NR3C2: variants seen among roughly 807,000 people sequenced by gnomAD.
NR3C2 encodes mineralocorticoid receptor.
Under a neutral mutation model 86.4 loss-of-function variants are expected in NR3C2, and 15 were observed. That is an observed-to-expected ratio of 0.17 (90% confidence interval 0.12 to 0.27). The LOEUF (loss-of-function observed/expected upper bound fraction) is 0.27, where lower values mean the gene tolerates loss of function less well. Ranked by LOEUF, NR3C2 falls within the 10% of genes least tolerant of loss-of-function variation. NR3C2 has a pLI of 1.00. For missense variants in NR3C2, 960 were observed against 1,195.6 expected, an observed-to-expected ratio of 0.80 and a Z score of 2.91; for synonymous variants, 458 against 450.5, an observed-to-expected ratio of 1.02 and a Z score of -0.21.
At chr4:148,371,597 T>A (rs557317853) in intron 2 of NR3C2, among the ~76,000 whole-genome samples, 2 of 151,220 alleles carry the variant, frequency 1.3e-5, no homozygotes, top group South Asian at 4.2e-4. Context: ...CCTTTAAATG[T>A]AGTGTCTAAT....
chr4:148,276,882 T>A (rs1740987457), intron 2 of NR3C2, among the ~76,000 whole-genome samples: 1 of 152,220 alleles, frequency 6.6e-6, no homozygotes, highest in Admixed American at 6.5e-5. Context: ...TAGGGATAAA[T>A]GTCTTTTATA....
chr4:148,272,709 TG>T (rs1430757398), intron 2 of NR3C2, among the ~76,000 whole-genome samples: 1 of 152,184 alleles, frequency 6.6e-6, no homozygotes, highest in Non-Finnish European at 1.5e-5. Context: ...CAATTACGGA[TG>T]TTTTTTTCAG....
intron 2 of NR3C2, among the ~76,000 whole-genome samples, chr4:148,329,734 G>A (rs1189380218): frequency 1.3e-5 from 2 of 152,212 alleles, no homozygotes; most frequent in African/African-American, 4.8e-5. Context: ...AGTTGAGAAC[G>A]TTTAAGCAAT....
At chr4:148,277,487 A>T (rs1741016542) in intron 2 of NR3C2, among the ~76,000 whole-genome samples, 1 of 152,172 alleles carries the variant, frequency 6.6e-6, no homozygotes, top group Non-Finnish European at 1.5e-5. Flanking sequence ...AGGCTGAGGC[A>T]TGAGGATTGC....
intron 2 of NR3C2, among the ~76,000 whole-genome samples, chr4:148,359,040 G>C (rs1745709683): frequency 6.6e-6 from 1 of 152,064 alleles, no homozygotes; most frequent in Admixed American, 6.6e-5. Flanking sequence ...TACCAGGAGA[G>C]AGCTGTAAAA....
intron 8 of NR3C2, among the ~76,000 whole-genome samples, chr4:148,082,665 GTTT>G (rs11381991): frequency 3.1e-5 from 4 of 130,922 alleles, no homozygotes; most frequent in Non-Finnish European, 3.2e-5. Flanking sequence ...GCTAGCTGCA[GTTT>G]TTTTTTTTTT....
At chr4:148,254,360 A>C (rs573468714) in intron 3 of NR3C2, among the ~76,000 whole-genome samples, 225 of 152,308 alleles carry the variant, frequency 1.5e-3, no homozygotes, top group Middle Eastern at 3.4e-3. Context: ...TACAGTGGTA[A>C]CACAAAATTG....
intron 2 of NR3C2, among the ~76,000 whole-genome samples, chr4:148,340,835 G>A (rs1293580815): frequency 1.3e-5 from 2 of 151,964 alleles, no homozygotes; most frequent in African/African-American, 2.4e-5. Context: ...CATTCCTCAG[G>A]AGACATGGCC....
intron 3 of NR3C2, chr4:148,208,363 C>T (rs1422714224): frequency 6.6e-6 from 1 of 152,240 alleles, no homozygotes; most frequent in African/African-American, 2.4e-5. Flanking sequence ...AGGATCCAGT[C>T]CTTCTATTCC....
chr4:148,401,038 G>A (rs1437681072), intron 2 of NR3C2, among the ~76,000 whole-genome samples: 2 of 152,150 alleles, frequency 1.3e-5, no homozygotes, highest in Non-Finnish European at 2.9e-5. Flanking sequence ...AACACCATGA[G>A]TATTCACTAT....
Position 148,390,363 on chromosome 4 carries a change from G to A in NR3C2, c.1757+44741C>T, listed in dbSNP as rs191536602. Reference sequence around the variant, plus strand: ...CCAAACAGAAAAGTATCTTGGGGTGGAGTTATAATATTCTCAGGTGAAAAC... The same window carrying A: ...CCAAACAGAAAAGTATCTTGGGGTGAAGTTATAATATTCTCAGGTGAAAAC... On this transcript the variant is annotated intron_variant, in intron 2 of 8. Transcript: ENST00000358102. 6.9e-4 allele frequency among the ~76,000 whole-genome samples: 105 copies of A among 152,154 alleles called. No homozygotes were observed. The East Asian group carries it at 0.014, about 20-fold the overall frequency.
At chr4:148,135,297 G>A (rs903537886) in intron 6 of NR3C2, among the ~76,000 whole-genome samples, 1 of 152,100 alleles carries the variant, frequency 6.6e-6, no homozygotes, top group African/African-American at 2.4e-5. Flanking sequence ...AGTAGTAAGA[G>A]CAGAGCCCTC....
upstream of NR3C2, among the ~76,000 whole-genome samples, chr4:148,443,660 G>A (rs565035720): frequency 1.3e-5 from 2 of 152,322 alleles, no homozygotes; most frequent in South Asian, 4.1e-4. Flanking sequence ...CCGCTGGCCC[G>A]GAGTCAGCAT....
At chr4:148,236,783 C>T (rs576139470) in intron 3 of NR3C2, among the ~76,000 whole-genome samples, 34 of 152,258 alleles carry the variant, frequency 2.2e-4, no homozygotes, top group Middle Eastern at 3.4e-3. Flanking sequence ...TTAAAAATTA[C>T]GCCAGGACAC....
intron 3 of NR3C2, among the ~76,000 whole-genome samples, chr4:148,233,004 G>A (rs1738543331): frequency 6.6e-6 from 1 of 152,202 alleles, no homozygotes. Flanking sequence ...TTAAGAGAAT[G>A]TTGTGGCTGG....
chr4:148,433,393 T>C, intron 2 of NR3C2, among the ~76,000 whole-genome samples: 1 of 152,144 alleles, frequency 6.6e-6, no homozygotes, highest in African/African-American at 2.4e-5. Flanking sequence ...TTATCAAATA[T>C]TTACTTTAAC....
At chr4:148,340,161 T>A (rs1396412839) in intron 2 of NR3C2, among the ~76,000 whole-genome samples, 1 of 151,886 alleles carries the variant, frequency 6.6e-6, no homozygotes, top group East Asian at 1.9e-4. Context: ...AAAAAGGCAA[T>A]CCTAAAATCT....
chr4:148,172,650 A>T (rs973284310), intron 4 of NR3C2, among the ~76,000 whole-genome samples: 1 of 152,236 alleles, frequency 6.6e-6, no homozygotes, highest in Non-Finnish European at 1.5e-5. Flanking sequence ...GCAAGGTTTA[A>T]TGGCATGTTT....
At chr4:148,192,736 T>C (rs896264761) in intron 4 of NR3C2, among the ~76,000 whole-genome samples, 2 of 151,422 alleles carry the variant, frequency 1.3e-5, no homozygotes, top group African/African-American at 4.9e-5. Context: ...CTCTGCTGAG[T>C]CATGCAGGTT....
Sources: gnomAD v4.1 joint callset for allele counts (sites outside exome capture counted in the v4.1 genomes callset) on GRCh38, gnomAD v4.1.1 for gene constraint, MANE v1.5 for transcripts, NCBI Gene and HGNC (gene_info 2026-07-23, HGNC 2026-07-21) for gene names.